The following TCF25 variants were observed in gnomAD, a reference collection of about 807,000 sequenced individuals.
The protein encoded by TCF25 is TCF25 ribosome quality control complex subunit.
TCF25 carries 41 observed loss-of-function variants against 83.1 expected under a neutral mutation model. The ratio of observed to expected loss-of-function variants is 0.49; its 90% CI spans 0.38 to 0.64. The LOEUF (loss-of-function observed/expected upper bound fraction) is 0.64, where lower values mean the gene tolerates loss of function less well. TCF25 is among the 30% of genes least tolerant of loss of function. The probability of loss-of-function intolerance (pLI) is 0.00; values close to 1 mark genes in which losing one functional copy is unlikely to be tolerated. For missense variants in TCF25, 979 were observed against 914.5 expected (o/e 1.07, Z -0.91); for synonymous variants, 458 against 365.0 (o/e 1.25, Z -2.90).
Position 89,884,663 on chromosome 16 carries a change from G to C in TCF25, c.429+7G>C, listed in dbSNP as rs752575543. ...CAGCACGGGAGAAGCATCGGTACGT[G>C]AGTTGGGCCTGGCTGTGCTCTGTCC... On this transcript the variant is annotated splice_region_variant and intron_variant, in intron 3 of 17. Transcript: ENST00000263346. The C allele has an allele frequency of 1.2e-6, 2 of 1,610,892 alleles. No individual in the cohort carries two copies. The highest frequency in any genetic ancestry group is 2.2e-5 in the East Asian group (1 of 44,674).
chr16:89,878,453 T>G (rs1467743500), intron 1 of TCF25: 2 of 1,247,178 alleles, frequency 1.6e-6, no homozygotes, highest in Non-Finnish European at 2.1e-6. Context: ...TTTTTTTTTT[T>G]TTTTTAGGAA....
In TCF25 at chr16:89,900,779, A is replaced by G; in HGVS notation, c.1366A>G (p.Thr456Ala). ...KASLLIQQALTMFPGVLLPLL... is the reference protein window; with the variant it reads ...KASLLIQQALAMFPGVLLPLL... Reference sequence around the variant, plus strand: ...CTCTCTCCTGATACAGCAGGCGCTCACCATGTTCCCTGGAGGTGAGTGAGC... The same window carrying G: ...CTCTCTCCTGATACAGCAGGCGCTCGCCATGTTCCCTGGAGGTGAGTGAGC... Residue 456 changes from threonine (T) to alanine (A), a missense_variant, in exon 12 of 18, where the codon ACC (threonine) becomes GCC (alanine). By Grantham distance (58) the Thr-to-Ala change is moderately conservative (BLOSUM62 0). Transcript: ENST00000263346. 6.3e-7 allele frequency: 1 copy of G among 1,580,454 alleles called. No homozygotes were observed. Among genetic ancestry groups the G allele is most frequent in the Non-Finnish European group, 8.7e-7 (1 of 1,152,348 alleles).
chr16:89,906,351 G>T (rs1323967633), intron 15 of TCF25, 67 bp downstream of exon 15: 1 of 1,529,094 alleles, frequency 6.5e-7, no homozygotes, highest in Non-Finnish European at 9.0e-7. Flanking sequence ...TTCTGCTCCG[G>T]GCGGTCCACA....
Position 89,900,966 on chromosome 16 carries a change from A to T in TCF25, c.1381+172A>T, listed in dbSNP as rs1172208487. ...ACCAAACCTGAAAGAGGGTCGGCTC[A>T]TCTCGGAACCCGCTGCGTGCCAAGC... On this transcript the variant is annotated intron_variant, in intron 12 of 17. Coordinates refer to ENST00000263346, the MANE Select transcript of TCF25 (RefSeq NM_014972.3). 2.0e-5 allele frequency: 15 copies of T among 751,260 alleles called. No homozygotes were observed. In the Admixed American group the frequency reaches 4.0e-4, roughly 20 times the overall value. 46.5% of individuals were successfully genotyped at this position (751,260 alleles called of 1,614,324 possible). A position where few individuals can be genotyped will look rare whatever the true frequency, so the allele number is the denominator to read the frequency against.
intron 4 of TCF25, among the ~76,000 whole-genome samples, chr16:89,886,735 C>T (rs1186712233): frequency 1.3e-5 from 2 of 151,776 alleles, no homozygotes; most frequent in African/African-American, 2.4e-5. Flanking sequence ...GCACTCCAGC[C>T]TGGGCAACGA....
chr16:89,876,220 T>C (rs2042177849), intron 1 of TCF25, among the ~76,000 whole-genome samples: 1 of 152,146 alleles, frequency 6.6e-6, no homozygotes, highest in African/African-American at 2.4e-5. Flanking sequence ...GAGAATTTTA[T>C]CCAGTGGCAC....
intron 12 of TCF25, among the ~76,000 whole-genome samples, chr16:89,902,482 G>T (rs1220811311): frequency 8.0e-4 from 103 of 128,888 alleles, no homozygotes; most frequent in African/African-American, 2.3e-3. Context: ...GAGGTCAGGA[G>T]ATCGAGACCA....
At chr16:89,899,493 A>G (rs1345135097) in intron 11 of TCF25, among the ~76,000 whole-genome samples, 1 of 152,222 alleles carries the variant, frequency 6.6e-6, no homozygotes, top group Admixed American at 6.5e-5. Flanking sequence ...GCACTTTGGG[A>G]GGCCGAGGCG....
At chr16:89,890,561 T>C (rs1291745452) in intron 5 of TCF25, 3 of 152,228 alleles carry the variant, frequency 2.0e-5, no homozygotes, top group Non-Finnish European at 4.4e-5. Flanking sequence ...TTTTGCTTTA[T>C]ATTTTACTTT....
intron 5 of TCF25, chr16:89,889,117 G>T: frequency 3.4e-6 from 1 of 292,982 alleles, no homozygotes; most frequent in South Asian, 3.0e-5. Flanking sequence ...GGGGGTGTCT[G>T]CTTCTGGGAC....
At chr16:89,884,486 T>G in intron 2 of TCF25, 96 bp from the exon 3 acceptor site, 2 of 1,283,724 alleles carry the variant, frequency 1.6e-6, no homozygotes, top group Non-Finnish European at 1.1e-6. Flanking sequence ...AGGTAGGGGC[T>G]GCTTAGGTGA....
At chr16:89,883,588 G>A in intron 2 of TCF25, 76 bp downstream of exon 2, 1 of 1,456,750 alleles carries the variant, frequency 6.9e-7, no homozygotes, top group Non-Finnish European at 9.2e-7. Context: ...ATCCTGTGCT[G>A]TGATTTTCCT....
chr16:89,882,434 A>T (rs1191504942), intron 1 of TCF25, among the ~76,000 whole-genome samples: 1 of 152,096 alleles, frequency 6.6e-6, no homozygotes, highest in Non-Finnish European at 1.5e-5. Context: ...GCTACTTGGG[A>T]GGCTGAGGCA....
chr16:89,894,168 C>T (rs552365807), intron 7 of TCF25, among the ~76,000 whole-genome samples: 5 of 152,314 alleles, frequency 3.3e-5, no homozygotes, highest in East Asian at 3.9e-4. Context: ...CACTGCTGCC[C>T]TTGCCTCCTG....
intron 5 of TCF25, 23 bp from the exon 6 acceptor site, chr16:89,892,170 T>A: frequency 6.3e-7 from 1 of 1,588,770 alleles, no homozygotes; most frequent in Non-Finnish European, 8.6e-7. Context: ...AGTAAAGCTG[T>A]ACCTGTGTCC....
At chr16:89,901,467 C>T (rs894422440) in intron 12 of TCF25, among the ~76,000 whole-genome samples, 10 of 126,954 alleles carry the variant, frequency 7.9e-5, no homozygotes, top group Non-Finnish European at 1.4e-4. Flanking sequence ...GGCCTCCGGC[C>T]GGGCGCGGTG....
intron 1 of TCF25, among the ~76,000 whole-genome samples, chr16:89,878,277 C>T (rs111403337): frequency 7.0e-6 from 1 of 143,580 alleles, no homozygotes; most frequent in Admixed American, 6.8e-5. Context: ...GAGACCCTGT[C>T]TCAAAAAAAA....
rs1260621090 is a variant in TCF25 at position 89,887,703 on chromosome 16, C to G, written c.600C>G (p.Ile200Met). ...AAAGGTATTTTGGTGCCCGGGCAAT[C>G]CTGGGGGAGCAAAGGTAAGGTCCAC... is the stretch of plus-strand genomic sequence containing the variant. ...ELKRYFGARA[I>M]LGEQRPRQRQ... Residue 200 changes from isoleucine (I) to methionine (M), a missense_variant, in exon 5 of 18, where the codon ATC becomes ATG. Transcript: ENST00000263346. 1 of 1,591,038 alleles carries G rather than the reference C, an allele frequency of 6.3e-7. No individual in the cohort carries two copies. The highest frequency in any genetic ancestry group is 8.5e-7 in the Non-Finnish European group (1 of 1,172,526).
At chr16:89,910,514 G>T in intron 16 of TCF25, 77 bp from the exon 17 acceptor site, 1 of 1,505,394 alleles carries the variant, frequency 6.6e-7, no homozygotes, top group South Asian at 1.1e-5. Flanking sequence ...GCAGCTGGCA[G>T]GCAGCCCCGT....
Sources: allele counts gnomAD v4.1 joint callset (sites outside exome capture counted in the v4.1 genomes callset), GRCh38; gene constraint gnomAD v4.1.1; transcripts MANE v1.5; gene names NCBI Gene and HGNC (gene_info 2026-07-23, HGNC 2026-07-21).